TENM3: variants seen among roughly 807,000 people sequenced by gnomAD.
TENM3 encodes teneurin transmembrane protein 3.
A neutral mutation model predicts 255.1 loss-of-function variants in TENM3; 63 were observed. The ratio of observed to expected loss-of-function variants is 0.25; its 90% CI spans 0.20 to 0.30. The LOEUF (loss-of-function observed/expected upper bound fraction) is 0.30. Ranked by LOEUF, TENM3 falls within the 10% of genes least tolerant of loss-of-function variation. TENM3 has a pLI of 1.00. For missense variants in TENM3, 2,929 were observed against 3,461.1 expected, an observed-to-expected ratio of 0.85 and a Z score of 3.86; for synonymous variants, 1,306 against 1,322.3, an observed-to-expected ratio of 0.99 and a Z score of 0.27.
chr4:181,586,732 C>T, the TENM3 span, among the ~76,000 whole-genome samples: 25 of 152,106 alleles, frequency 1.6e-4, no homozygotes, highest in Non-Finnish European at 2.8e-4. Flanking sequence ...CCTAGCTACT[C>T]GGGAGGCCAA....
At chr4:182,713,559 A>G (rs1293448330) in intron 12 of TENM3, among the ~76,000 whole-genome samples, 1 of 151,936 alleles carries the variant, frequency 6.6e-6, no homozygotes, top group African/African-American at 2.4e-5. Context: ...ATGTACGGCA[A>G]CTCCGAGGCC....
the TENM3 span, among the ~76,000 whole-genome samples, chr4:181,518,458 C>T: frequency 2.0e-5 from 3 of 152,186 alleles, no homozygotes; most frequent in Admixed American, 1.3e-4. Context: ...GACGGAGTCT[C>T]ACTCTGTCAC....
the TENM3 span, among the ~76,000 whole-genome samples, chr4:182,050,406 A>G: frequency 1.3e-5 from 2 of 152,238 alleles, no homozygotes; most frequent in Non-Finnish European, 2.9e-5. Context: ...AATAAGTCAT[A>G]AACAAAACAC....
the TENM3 span, among the ~76,000 whole-genome samples, chr4:181,547,884 G>T: frequency 6.6e-6 from 1 of 151,600 alleles, no homozygotes; most frequent in African/African-American, 2.4e-5. Flanking sequence ...ACATATACAT[G>T]TGCCATGTTG....
the TENM3 span, among the ~76,000 whole-genome samples, chr4:181,776,335 T>G: frequency 6.6e-6 from 1 of 152,278 alleles, no homozygotes; most frequent in East Asian, 1.9e-4. Context: ...GACACTTAGG[T>G]TGATTCCATA....
At chr4:181,959,825 A>G in the TENM3 span, among the ~76,000 whole-genome samples, 1 of 152,244 alleles carries the variant, frequency 6.6e-6, no homozygotes, top group Non-Finnish European at 1.5e-5. Context: ...TGAGTCACAT[A>G]CCACTTAAAT....
chr4:182,124,007 G>T, the TENM3 span, among the ~76,000 whole-genome samples: 1 of 152,084 alleles, frequency 6.6e-6, no homozygotes, highest in Non-Finnish European at 1.5e-5. Flanking sequence ...TAGAGTTCAG[G>T]AGTTTTTATT....
At chr4:181,782,933 G>C in the TENM3 span, among the ~76,000 whole-genome samples, 7,396 of 152,208 alleles carry the variant, frequency 0.049, 307 homozygotes, top group African/African-American at 0.11. Context: ...GAGCGGTTTT[G>C]AGTGAGTTTC....
chr4:181,618,021 C>A, the TENM3 span, among the ~76,000 whole-genome samples: 1 of 152,284 alleles, frequency 6.6e-6, no homozygotes, highest in South Asian at 2.1e-4. Context: ...TCCACCCTAC[C>A]TACATATACA....
At chr4:181,472,151 G>A in the TENM3 span, among the ~76,000 whole-genome samples, 1 of 152,104 alleles carries the variant, frequency 6.6e-6, no homozygotes, top group Non-Finnish European at 1.5e-5. Context: ...CCCCAACAAG[G>A]CCTATAGCCA....
the TENM3 span, among the ~76,000 whole-genome samples, chr4:181,840,847 A>G: frequency 6.6e-6 from 1 of 152,176 alleles, no homozygotes; most frequent in East Asian, 1.9e-4. Flanking sequence ...CCACAAAGCA[A>G]AATCATAACT....
At chr4:182,394,087 G>C (rs561242158) in intron 3 of TENM3, among the ~76,000 whole-genome samples, 1 of 151,692 alleles carries the variant, frequency 6.6e-6, no homozygotes, top group Non-Finnish European at 1.5e-5. Flanking sequence ...ATCACCGTTG[G>C]GCTATTTCAA....
intron 7 of TENM3, among the ~76,000 whole-genome samples, chr4:182,676,379 C>G (rs1321633383): frequency 1.3e-5 from 2 of 152,148 alleles, no homozygotes; most frequent in African/African-American, 4.8e-5. Context: ...AGCCTGAGTT[C>G]TAGCATACCC....
the TENM3 span, among the ~76,000 whole-genome samples, chr4:181,876,132 C>T: frequency 6.6e-6 from 1 of 152,262 alleles, no homozygotes; most frequent in East Asian, 1.9e-4. Context: ...GACTATACAC[C>T]TAGTTAATGC....
chr4:182,747,005 T>C (rs1281326857), intron 19 of TENM3, among the ~76,000 whole-genome samples: 1 of 152,220 alleles, frequency 6.6e-6, no homozygotes, highest in African/African-American at 2.4e-5. Context: ...TGCTTCTTCC[T>C]GTGTACCTGC....
At chr4:182,234,093 A>G (rs577440686) in intron 1 of TENM3, among the ~76,000 whole-genome samples, 1 of 152,040 alleles carries the variant, frequency 6.6e-6, no homozygotes, top group South Asian at 2.1e-4. Context: ...AAATGCAGAA[A>G]CCTCCAAGTT....
intron 3 of TENM3, among the ~76,000 whole-genome samples, chr4:182,359,883 C>G (rs1403076302): frequency 1.3e-5 from 2 of 150,104 alleles, no homozygotes. Context: ...CCTCTACACA[C>G]TGCTTTGAAT....
the TENM3 span, among the ~76,000 whole-genome samples, chr4:181,790,278 T>C: frequency 4.6e-5 from 7 of 152,186 alleles, no homozygotes; most frequent in African/African-American, 1.7e-4. Flanking sequence ...AGAAAAAAAT[T>C]GTTTTTTCTT....
intron 17 of TENM3, among the ~76,000 whole-genome samples, chr4:182,737,787 T>G (rs1761285624): frequency 6.6e-6 from 1 of 152,222 alleles, no homozygotes; most frequent in African/African-American, 2.4e-5. Context: ...TTGAATTAGT[T>G]CAAATCAATC....
Sources: gnomAD v4.1 joint callset for allele counts (sites outside exome capture counted in the v4.1 genomes callset) on GRCh38, gnomAD v4.1.1 for gene constraint, MANE v1.5 for transcripts, NCBI Gene and HGNC (gene_info 2026-07-23, HGNC 2026-07-21) for gene names.